GRM1: variants seen among roughly 807,000 people sequenced by gnomAD.
GRM1 encodes metabotropic glutamate receptor 1.
A neutral mutation model predicts 90.9 loss-of-function variants in GRM1; 33 were observed. The ratio of observed to expected loss-of-function variants is 0.36; its 90% CI spans 0.28 to 0.49. The LOEUF (loss-of-function observed/expected upper bound fraction) is 0.49, where lower values mean the gene tolerates loss of function less well. Among genes scored for constraint, GRM1 ranks in the 20% least tolerant of loss-of-function variants. The pLI is 0.99. For synonymous variants in GRM1, 700 were observed against 613.2 expected (o/e 1.14, Z -2.09); for missense variants, 1,190 against 1,534.3 (o/e 0.78, Z 3.75).
chr6:146,288,855 G>C (rs549649069), intron 2 of GRM1, among the ~76,000 whole-genome samples: 1 of 152,252 alleles, frequency 6.6e-6, no homozygotes, highest in South Asian at 2.1e-4. Flanking sequence ...GGTCCTGTAA[G>C]ATTATAATAG....
intron 1 of GRM1, among the ~76,000 whole-genome samples, chr6:146,100,795 C>A (rs1242249305): frequency 6.6e-6 from 1 of 152,154 alleles, no homozygotes; most frequent in Non-Finnish European, 1.5e-5. Context: ...ATATGAAATT[C>A]ATTGAATCTA....
At chr6:146,349,871 CGT>C (rs1380827911) in intron 3 of GRM1, among the ~76,000 whole-genome samples, 1 of 152,096 alleles carries the variant, frequency 6.6e-6, no homozygotes, top group Non-Finnish European at 1.5e-5. Context: ...CATATATTTA[CGT>C]GTGTCTATAC....
intron 1 of GRM1, among the ~76,000 whole-genome samples, chr6:146,081,628 G>A (rs772474807): frequency 2.0e-5 from 3 of 152,160 alleles, no homozygotes; most frequent in African/African-American, 4.8e-5. Context: ...TGGTAAGTAA[G>A]TGGCAAAATG....
At chr6:146,426,623 C>G (rs1330953325) in intron 7 of GRM1, 2 of 1,518,896 alleles carry the variant, frequency 1.3e-6, no homozygotes, top group South Asian at 2.3e-5. Context: ...GCTTTGAAAA[C>G]CCCCACACTG....
intron 3 of GRM1, among the ~76,000 whole-genome samples, chr6:146,316,283 C>G (rs1783963397): frequency 6.6e-6 from 1 of 152,218 alleles, no homozygotes; most frequent in Admixed American, 6.5e-5. Flanking sequence ...ACACCTCTCT[C>G]TGGACGTGAC....
chr6:146,244,737 C>A (rs956569211), intron 2 of GRM1, among the ~76,000 whole-genome samples: 3 of 152,166 alleles, frequency 2.0e-5, no homozygotes, highest in Non-Finnish European at 4.4e-5. Context: ...AGGTTGGAGA[C>A]AGCCCATAGT....
At chr6:146,280,735 C>T (rs935020737) in intron 2 of GRM1, among the ~76,000 whole-genome samples, 3 of 152,166 alleles carry the variant, frequency 2.0e-5, no homozygotes, top group African/African-American at 4.8e-5. Flanking sequence ...CCTCCCACCT[C>T]AGCCTCCCTA....
At chr6:146,346,645 G>A (rs1785200136) in intron 3 of GRM1, among the ~76,000 whole-genome samples, 1 of 151,982 alleles carries the variant, frequency 6.6e-6, no homozygotes, top group South Asian at 2.1e-4. Flanking sequence ...CAAAATTGAG[G>A]GCACTTTATC....
chr6:146,162,979 C>T (rs1009001902), intron 2 of GRM1, among the ~76,000 whole-genome samples: 1 of 151,768 alleles, frequency 6.6e-6, no homozygotes. Context: ...TTTTCCAGTC[C>T]TAGAATTTAT....
chr6:146,130,255 T>C (rs374726764), intron 1 of GRM1, among the ~76,000 whole-genome samples: 15 of 136,214 alleles, frequency 1.1e-4, no homozygotes, highest in Non-Finnish European at 1.4e-4. Context: ...CTCCCTCCCT[T>C]CCTTCCTTCC....
At chr6:146,217,373 G>A (rs1051623056) in intron 2 of GRM1, among the ~76,000 whole-genome samples, 12 of 152,140 alleles carry the variant, frequency 7.9e-5, no homozygotes, top group African/African-American at 2.2e-4. Flanking sequence ...CTTCACTTGC[G>A]TTCTTCTCGA....
intron 2 of GRM1, among the ~76,000 whole-genome samples, chr6:146,231,554 T>C (rs548672058): frequency 2.0e-5 from 3 of 152,210 alleles, no homozygotes; most frequent in African/African-American, 7.2e-5. Flanking sequence ...ATGACAGATT[T>C]AGTTTTTAAT....
chr6:146,129,851 C>T lies in GRM1; in HGVS notation c.701-29497C>T, dbSNP rs560036147. 2.9e-3 allele frequency among the ~76,000 whole-genome samples: 442 copies of T among 152,244 alleles called. 1 individual carries two copies. Among genetic ancestry groups the T allele is most frequent in the Non-Finnish European group, 4.3e-3 (295 of 68,014 alleles). On this transcript the variant is annotated intron_variant, in intron 1 of 7. Coordinates refer to ENST00000282753, the MANE Select transcript of GRM1 (RefSeq NM_001278064.2). ...GGAATTCAAGTTATCATCTCAGTAT[C>T]ATGGTGTGTCCTGAGCCTGGACTCC...
intron 1 of GRM1, among the ~76,000 whole-genome samples, chr6:146,086,211 A>T (rs192799608): frequency 6.6e-6 from 1 of 152,230 alleles, no homozygotes; most frequent in East Asian, 1.9e-4. Flanking sequence ...CGTAAAGGCT[A>T]AATTAGTTAT....
rs146637033 is a variant in GRM1 at position 146,186,240 on chromosome 6, A to G, written c.950+26643A>G. 2.8e-3 allele frequency among the ~76,000 whole-genome samples: 424 copies of G among 151,884 alleles called. 3 individuals carry two copies. The highest frequency in any genetic ancestry group is 9.4e-3 in the African/African-American group (391 of 41,424). ...TGATTCACCCACCTTGGCCTCCCAA[A>G]GTGTTGGGATACCAGGCGTGAGCCA... On this transcript the variant is annotated intron_variant, in intron 2 of 7. Transcript: ENST00000282753.
chr6:146,359,064 TG>T (rs1231825351), intron 5 of GRM1, among the ~76,000 whole-genome samples: 1 of 152,162 alleles, frequency 6.6e-6, no homozygotes, highest in Non-Finnish European at 1.5e-5. Context: ...TCTACATGGC[TG>T]GGGTCATGTG....
chr6:146,044,549 C>T (rs940399310), intron 1 of GRM1, among the ~76,000 whole-genome samples: 4 of 151,976 alleles, frequency 2.6e-5, no homozygotes, highest in Non-Finnish European at 4.4e-5. Flanking sequence ...CACCCTATGT[C>T]TCTTAAACCT....
At chr6:146,206,127 C>T (rs1387704247) in intron 2 of GRM1, among the ~76,000 whole-genome samples, 1 of 152,140 alleles carries the variant, frequency 6.6e-6, no homozygotes, top group Non-Finnish European at 1.5e-5. Context: ...TAATCAGGAC[C>T]GTTTCTGTAG....
At chr6:146,341,490 T>C (rs780660212) in intron 3 of GRM1, among the ~76,000 whole-genome samples, 2 of 152,326 alleles carry the variant, frequency 1.3e-5, no homozygotes, top group East Asian at 1.9e-4. Context: ...CTGACCACGT[T>C]TGTGTTTGTC....
Sources: gnomAD v4.1 joint callset for allele counts (sites outside exome capture counted in the v4.1 genomes callset) on GRCh38, gnomAD v4.1.1 for gene constraint, MANE v1.5 for transcripts, NCBI Gene and HGNC (gene_info 2026-07-23, HGNC 2026-07-21) for gene names.